The following RXFP1 variants were observed in gnomAD, a reference collection of about 807,000 sequenced individuals.
RXFP1 encodes the protein relaxin receptor 1.
In RXFP1, 73 loss-of-function variants were observed where a neutral mutation model predicts 89.8. The ratio of observed to expected loss-of-function variants is 0.81; its 90% CI spans 0.67 to 0.99. The LOEUF is 0.99. Among genes scored for constraint, RXFP1 ranks in the 50% least tolerant of loss-of-function variants. The probability of loss-of-function intolerance (pLI) is 0.00; values close to 1 mark genes in which losing one functional copy is unlikely to be tolerated. For missense variants in RXFP1, 793 were observed against 895.5 expected (o/e 0.89, Z 1.46); for synonymous variants, 277 against 305.5 (o/e 0.91, Z 0.97).
chr4:158,546,763 A>G (rs1169354665), intron 1 of RXFP1, among the ~76,000 whole-genome samples: 1 of 152,102 alleles, frequency 6.6e-6, no homozygotes, highest in African/African-American at 2.4e-5. Flanking sequence ...ATTGATTTCC[A>G]TATGTTGAAC....
intron 1 of RXFP1, among the ~76,000 whole-genome samples, chr4:158,567,280 A>C (rs1235935507): frequency 6.6e-6 from 1 of 152,160 alleles, no homozygotes; most frequent in Non-Finnish European, 1.5e-5. Context: ...AGGGTTGAGA[A>C]GTGTGGGCGC....
intron 6 of RXFP1, chr4:158,610,740 AT>A (rs1763429482): frequency 7.8e-7 from 1 of 1,277,872 alleles, no homozygotes; most frequent in Admixed American, 2.3e-5. Context: ...GGGTTTTTGT[AT>A]AAGAGAACAC....
At chr4:158,602,817 G>A (rs560793505) in intron 4 of RXFP1, among the ~76,000 whole-genome samples, 3 of 152,080 alleles carry the variant, frequency 2.0e-5, no homozygotes, top group African/African-American at 4.8e-5. Flanking sequence ...GCAGTGGCGC[G>A]ATCTTGGCTC....
chr4:158,589,066 C>A (rs182920785), intron 2 of RXFP1, among the ~76,000 whole-genome samples: 56 of 152,294 alleles, frequency 3.7e-4, no homozygotes, highest in Admixed American at 2.5e-3. Context: ...AGGAAACTTA[C>A]AATCGTGACC....
chr4:158,589,128 G>T (rs1758869369), intron 2 of RXFP1, among the ~76,000 whole-genome samples: 1 of 152,096 alleles, frequency 6.6e-6, no homozygotes. Context: ...CCAAACAAAG[G>T]GAGAAGCCCC....
At chr4:158,634,152 G>T (rs1328212669) in intron 12 of RXFP1, among the ~76,000 whole-genome samples, 1 of 152,082 alleles carries the variant, frequency 6.6e-6, no homozygotes, top group Admixed American at 6.6e-5. Flanking sequence ...GTATACTAGG[G>T]TTTCCATTTC....
chr4:158,533,751 T>C (rs568713751), intron 1 of RXFP1, among the ~76,000 whole-genome samples: 3 of 152,184 alleles, frequency 2.0e-5, no homozygotes, highest in Non-Finnish European at 4.4e-5. Flanking sequence ...TTTCCCTACT[T>C]TTCTATTTTT....
intron 9 of RXFP1, among the ~76,000 whole-genome samples, chr4:158,621,892 T>C (rs985737973): frequency 7.2e-5 from 11 of 152,216 alleles, no homozygotes; most frequent in African/African-American, 2.4e-4. Context: ...AGAATCTCTA[T>C]TATCAAAAAG....
chr4:158,564,380 G>C (rs1034887019), intron 1 of RXFP1, among the ~76,000 whole-genome samples: 2 of 152,148 alleles, frequency 1.3e-5, no homozygotes, highest in Non-Finnish European at 2.9e-5. Context: ...TTTGGAAGAA[G>C]ACTAAATTAC....
rs952271049 is a variant in RXFP1 at position 158,623,179 on chromosome 4, G to A, written c.756-3641G>A. 5.3e-5 allele frequency among the ~76,000 whole-genome samples: 8 copies of A among 151,932 alleles called. No individual in the cohort carries two copies. The East Asian group carries it at 5.8e-4, about 11-fold the overall frequency. ...TATAGCAACCAAAACAAAAGAAAAT[G>A]TAGACATACATAAGCAGTAAGAAAT... is the stretch of plus-strand genomic sequence containing the variant. On this transcript the variant is annotated intron_variant, in intron 9 of 17. Coordinates refer to ENST00000307765, the MANE Select transcript of RXFP1 (RefSeq NM_021634.4).
chr4:158,651,779 G>A lies in RXFP1; in HGVS notation c.1998G>A (p.Val666=), dbSNP rs754218033. 4.3e-6 allele frequency: 7 copies of A among 1,610,972 alleles called. No individual in the cohort carries two copies. The highest frequency in any genetic ancestry group is 5.9e-6 in the Non-Finnish European group (7 of 1,178,490). Residue 666 remains valine (V), a synonymous_variant, in exon 18 of 18, where the codon GTG becomes GTA. Coordinates refer to ENST00000307765, the MANE Select transcript of RXFP1 (RefSeq NM_021634.4). ...TAGGTACCATAACCTCTTGGGTAGT[G>A]ATTTTTATTCTGCCCATTAACAGTG... ...EIPGTITSWV[V]IFILPINSAL...
At chr4:158,561,579 A>C (rs1752429002) in intron 1 of RXFP1, among the ~76,000 whole-genome samples, 1 of 151,958 alleles carries the variant, frequency 6.6e-6, no homozygotes, top group African/African-American at 2.4e-5. Flanking sequence ...TTATGTTTCC[A>C]AGCATTTTGA....
chr4:158,529,973 A>T (rs1181225973), intron 1 of RXFP1, among the ~76,000 whole-genome samples: 2 of 152,158 alleles, frequency 1.3e-5, no homozygotes, highest in African/African-American at 4.8e-5. Flanking sequence ...TTTTGCAGTT[A>T]CCTGGGTTCA....
intron 2 of RXFP1, among the ~76,000 whole-genome samples, chr4:158,580,648 A>C (rs1178628598): frequency 6.6e-6 from 1 of 152,160 alleles, no homozygotes; most frequent in African/African-American, 2.4e-5. Context: ...GCTCCTTCCC[A>C]ATGTGATCTT....
intron 1 of RXFP1, among the ~76,000 whole-genome samples, chr4:158,560,601 C>T (rs570192665): frequency 6.6e-6 from 1 of 152,314 alleles, no homozygotes; most frequent in South Asian, 2.1e-4. Flanking sequence ...TTTTTCTCAC[C>T]TAAAGAGGAG....
intron 6 of RXFP1, among the ~76,000 whole-genome samples, chr4:158,611,552 C>T (rs1763584891): frequency 6.6e-6 from 1 of 152,180 alleles, no homozygotes; most frequent in African/African-American, 2.4e-5. Flanking sequence ...ACTCTCATAC[C>T]TCTTGCTTTT....
intron 1 of RXFP1, among the ~76,000 whole-genome samples, chr4:158,531,158 C>T (rs946590423): frequency 1.4e-4 from 22 of 152,102 alleles, no homozygotes; most frequent in Non-Finnish European, 3.1e-4. Context: ...AACTAAGCCT[C>T]GCGAGTTGCT....
intron 9 of RXFP1, among the ~76,000 whole-genome samples, chr4:158,624,853 G>A (rs1411862154): frequency 1.3e-5 from 2 of 152,048 alleles, no homozygotes; most frequent in African/African-American, 2.4e-5. Flanking sequence ...CAGGAGGGGG[G>A]AAAAACAGTA....
intron 1 of RXFP1, among the ~76,000 whole-genome samples, chr4:158,547,052 G>T (rs1271995356): frequency 6.6e-6 from 1 of 152,122 alleles, no homozygotes; most frequent in African/African-American, 2.4e-5. Flanking sequence ...ACCTCTGGTA[G>T]AATTCGGCTG....
Sources: allele counts gnomAD v4.1 joint callset (sites outside exome capture counted in the v4.1 genomes callset), GRCh38; gene constraint gnomAD v4.1.1; transcripts MANE v1.5; gene names NCBI Gene and HGNC (gene_info 2026-07-23, HGNC 2026-07-21).